RAD51B: variants seen among roughly 807,000 people sequenced by gnomAD.
RAD51B encodes the protein RAD51 paralog B.
A neutral mutation model predicts 42.2 loss-of-function variants in RAD51B; 38 were observed. The ratio of observed to expected loss-of-function variants is 0.90; its 90% CI spans 0.70 to 1.18. The LOEUF is 1.18. Among genes scored for constraint, RAD51B ranks in the 50% most tolerant of loss-of-function variants. The pLI, the probability that RAD51B is intolerant of heterozygous loss-of-function variation, is 0.00. For missense variants in RAD51B, 373 were observed against 400.7 expected (o/e 0.93, Z 0.59); for synonymous variants, 154 against 145.2 (o/e 1.06, Z -0.43).
intron 7 of RAD51B, among the ~76,000 whole-genome samples, chr14:67,948,753 A>T (rs1442385154): frequency 1.3e-5 from 2 of 151,676 alleles, no homozygotes; most frequent in South Asian, 4.2e-4. Flanking sequence ...AACATGGTGA[A>T]ACCCCGTTTC....
intron 10 of RAD51B, among the ~76,000 whole-genome samples, chr14:68,503,990 G>C (rs1885102625): frequency 2.6e-5 from 4 of 152,206 alleles, no homozygotes. Context: ...CACGGTGGTG[G>C]TGTTGTCTTT....
intron 7 of RAD51B, among the ~76,000 whole-genome samples, chr14:68,273,769 C>T (rs949299667): frequency 6.6e-5 from 10 of 152,136 alleles, no homozygotes; most frequent in Non-Finnish European, 1.0e-4. Flanking sequence ...TCACTGCAGC[C>T]TCGAACTCCT....
chr14:68,398,068 G>A (rs149310179), intron 8 of RAD51B, among the ~76,000 whole-genome samples: 1 of 152,308 alleles, frequency 6.6e-6, no homozygotes, highest in Non-Finnish European at 1.5e-5. Flanking sequence ...CTCACACTCT[G>A]GGCAAGGTGA....
At chr14:68,019,347 A>G (rs958459948) in intron 7 of RAD51B, among the ~76,000 whole-genome samples, 1 of 152,198 alleles carries the variant, frequency 6.6e-6, no homozygotes, top group Non-Finnish European at 1.5e-5. Flanking sequence ...ATAATTGGTC[A>G]TCTCTGGATT....
intron 8 of RAD51B, among the ~76,000 whole-genome samples, chr14:68,397,621 C>T (rs1294531950): frequency 6.6e-6 from 1 of 152,200 alleles, no homozygotes; most frequent in South Asian, 2.1e-4. Context: ...CCTCCTGTGG[C>T]CCCAGTTTGT....
intron 10 of RAD51B, among the ~76,000 whole-genome samples, chr14:68,557,779 CTT>C (rs1283897079): frequency 1.3e-5 from 2 of 152,146 alleles, no homozygotes; most frequent in African/African-American, 4.8e-5. Flanking sequence ...CCTGATAGCT[CTT>C]GTTATATGCA....
intron 4 of RAD51B, among the ~76,000 whole-genome samples, chr14:67,854,176 T>C (rs1354230323): frequency 6.6e-6 from 1 of 152,244 alleles, no homozygotes; most frequent in East Asian, 1.9e-4. Context: ...ACCACACATA[T>C]ACTGTATATC....
intron 11 of RAD51B, among the ~76,000 whole-genome samples, chr14:68,672,935 C>A (rs1280908656): frequency 6.6e-6 from 1 of 151,952 alleles, no homozygotes; most frequent in Non-Finnish European, 1.5e-5. Context: ...GAACACAGTA[C>A]CTCATGCATA....
At chr14:68,622,188 G>A (rs111823101) in intron 10 of RAD51B, among the ~76,000 whole-genome samples, 2 of 152,180 alleles carry the variant, frequency 1.3e-5, no homozygotes, top group African/African-American at 4.8e-5. Context: ...GGTCCTGGCT[G>A]TCTCAGGAGC....
At chr14:68,375,390 A>G (rs1430684628) in intron 8 of RAD51B, among the ~76,000 whole-genome samples, 1 of 152,128 alleles carries the variant, frequency 6.6e-6, no homozygotes, top group Non-Finnish European at 1.5e-5. Flanking sequence ...ACAAACTGTA[A>G]TGGTTAAATC....
exon 11 of RAD51B, chr14:68,611,549 T>C (rs1891682574): frequency 9.0e-6 from 4 of 444,968 alleles, no homozygotes; most frequent in South Asian, 7.7e-5. Context: ...TTATTAAGCC[T>C]TGCAGCTCCT....
intron 7 of RAD51B, among the ~76,000 whole-genome samples, chr14:68,235,360 AG>A (rs1215820358): frequency 2.6e-5 from 4 of 151,732 alleles, no homozygotes; most frequent in African/African-American, 9.7e-5. Flanking sequence ...GCAGAAGAGG[AG>A]GGGGCCAAGG....
At chr14:68,409,232 T>C (rs530355422) in intron 8 of RAD51B, among the ~76,000 whole-genome samples, 1 of 152,394 alleles carries the variant, frequency 6.6e-6, no homozygotes, top group Non-Finnish European at 1.5e-5. Flanking sequence ...CCTTGCAGTG[T>C]TGATTTTCTT....
At chr14:67,912,855 G>A (rs1213122074) in intron 7 of RAD51B, among the ~76,000 whole-genome samples, 2 of 151,960 alleles carry the variant, frequency 1.3e-5, no homozygotes, top group East Asian at 3.9e-4. Flanking sequence ...ACAGGTGCCT[G>A]CCACCATGCC....
At chr14:68,469,000 T>A in intron 10 of RAD51B, 1 of 387,854 alleles carries the variant, frequency 2.6e-6, no homozygotes, top group Middle Eastern at 3.7e-4. Context: ...GTTAGAAGAG[T>A]CAGCCCACAA....
chr14:68,315,758 A>G (rs984161137), intron 8 of RAD51B, among the ~76,000 whole-genome samples: 5 of 152,120 alleles, frequency 3.3e-5, no homozygotes, highest in East Asian at 3.9e-4. Flanking sequence ...TCCTGACCTC[A>G]TGATCTGCCC....
intron 7 of RAD51B, among the ~76,000 whole-genome samples, chr14:68,039,672 T>C (rs2140392102): frequency 6.6e-6 from 1 of 152,332 alleles, no homozygotes; most frequent in Middle Eastern, 3.4e-3. Context: ...GAATGAGATG[T>C]TGCTTCAAGT....
intron 8 of RAD51B, among the ~76,000 whole-genome samples, chr14:68,350,270 T>G (rs1197999390): frequency 6.6e-6 from 1 of 152,248 alleles, no homozygotes; most frequent in East Asian, 1.9e-4. Context: ...ATAGAATCTG[T>G]CCAACAAATT....
In RAD51B at chr14:68,152,364, A is replaced by G. The variant is rs139966741; in HGVS notation, c.757-139520A>G. Among the ~76,000 whole-genome samples, 119 of 152,280 alleles carry G rather than the reference A, an allele frequency of 7.8e-4. No homozygotes were observed. In the East Asian group the frequency reaches 0.017, roughly 21 times the overall value. Reference sequence around the variant, plus strand: ...ACACATATAAACCCAAGATTTTGACAGATACGTTGAGAATGTAGGCTGTGG... The same window carrying G: ...ACACATATAAACCCAAGATTTTGACGGATACGTTGAGAATGTAGGCTGTGG... On this transcript the variant is annotated intron_variant, in intron 7 of 10. Coordinates refer to ENST00000471583, the MANE Select transcript of RAD51B (RefSeq NM_133510.4).
Sources: gnomAD v4.1 joint callset for allele counts (sites outside exome capture counted in the v4.1 genomes callset) on GRCh38, gnomAD v4.1.1 for gene constraint, MANE v1.5 for transcripts, NCBI Gene and HGNC (gene_info 2026-07-23, HGNC 2026-07-21) for gene names.